Variants in FTCDNL1 observed in about 807,000 individuals in gnomAD.
FTCDNL1 encodes the protein formiminotransferase N-terminal subdomain-containing protein.
A neutral mutation model predicts 5.9 loss-of-function variants in FTCDNL1; 11 were observed. The ratio of observed to expected loss-of-function variants is 1.87; its 90% confidence interval spans 1.18 to 3.10. The LOEUF is 3.10. FTCDNL1 is among the 30% of genes most tolerant of loss of function. The pLI, the probability that FTCDNL1 is intolerant of heterozygous loss-of-function variation, is 0.00. For missense variants in FTCDNL1, 115 were observed against 65.5 expected (o/e 1.76, Z -2.61); for synonymous variants, 58 against 24.8 (o/e 2.34, Z -3.99).
the FTCDNL1 span, among the ~76,000 whole-genome samples, chr2:199,733,238 G>A: frequency 6.6e-6 from 1 of 152,198 alleles, no homozygotes; most frequent in Admixed American, 6.5e-5. Flanking sequence ...AAAGCGTAAG[G>A]CAGGCACTGC....
chr2:199,748,293 A>G, the FTCDNL1 span, among the ~76,000 whole-genome samples: 1 of 152,214 alleles, frequency 6.6e-6, no homozygotes, highest in Non-Finnish European at 1.5e-5. Context: ...CCATATTCAT[A>G]TAGATCAGCT....
intron 3 of FTCDNL1, among the ~76,000 whole-genome samples, chr2:199,843,061 G>A (rs1389665160): frequency 6.6e-6 from 1 of 152,092 alleles, no homozygotes; most frequent in Admixed American, 6.6e-5. Context: ...GTACAGTATA[G>A]GACTGTTTTT....
intron 3 of FTCDNL1, among the ~76,000 whole-genome samples, chr2:199,842,743 G>A (rs2076624272): frequency 6.6e-6 from 1 of 152,108 alleles, no homozygotes; most frequent in Non-Finnish European, 1.5e-5. Flanking sequence ...ACACATATCA[G>A]TATCAACTCT....
At chr2:199,802,249 A>G (rs1700495959) in intron 3 of FTCDNL1, among the ~76,000 whole-genome samples, 1 of 152,176 alleles carries the variant, frequency 6.6e-6, no homozygotes, top group Admixed American at 6.5e-5. Flanking sequence ...GTCTCCATAC[A>G]AGTGAGGGCA....
chr2:199,744,271 T>A, the FTCDNL1 span, among the ~76,000 whole-genome samples: 166 of 152,312 alleles, frequency 1.1e-3, no homozygotes, highest in African/African-American at 3.8e-3. Flanking sequence ...TGTTGAAACC[T>A]GAACCCTCAA....
the FTCDNL1 span, among the ~76,000 whole-genome samples, chr2:199,745,076 TTTTCCCC>T: frequency 6.6e-6 from 1 of 152,220 alleles, no homozygotes; most frequent in East Asian, 1.9e-4. Context: ...CTACCTGCCA[TTTTCCCC>T]ACATGTCAGT....
At chr2:199,790,484 C>T (rs35475503) in intron 3 of FTCDNL1, among the ~76,000 whole-genome samples, 7,357 of 140,592 alleles carry the variant, frequency 0.052, 259 homozygotes, top group Middle Eastern at 0.14. Context: ...GGTGACAGAG[C>T]GAGACTCTGT....
chr2:199,734,756 G>A, the FTCDNL1 span, among the ~76,000 whole-genome samples: 311 of 152,244 alleles, frequency 2.0e-3, 1 homozygote, highest in African/African-American at 7.0e-3. Flanking sequence ...GAAAGAAAAA[G>A]GATAGAGTTT....
intron 3 of FTCDNL1, among the ~76,000 whole-genome samples, chr2:199,768,639 T>A (rs1698653719): frequency 6.6e-6 from 1 of 151,400 alleles, no homozygotes; most frequent in Non-Finnish European, 1.5e-5. Context: ...AATTAAAGAG[T>A]AATGGCAGGT....
At chr2:199,777,156 A>G (rs964351485) in intron 3 of FTCDNL1, among the ~76,000 whole-genome samples, 2 of 151,978 alleles carry the variant, frequency 1.3e-5, no homozygotes, top group Non-Finnish European at 2.9e-5. Flanking sequence ...AGCCAGGTGC[A>G]GTGGCATGCA....
At chr2:199,839,192 G>C (rs1003613381) in intron 3 of FTCDNL1, among the ~76,000 whole-genome samples, 1 of 152,086 alleles carries the variant, frequency 6.6e-6, no homozygotes, top group African/African-American at 2.4e-5. Flanking sequence ...AAGCAACAGG[G>C]TGAAGGGGAC....
At chr2:199,693,388 A>C in the FTCDNL1 span, among the ~76,000 whole-genome samples, 68 of 152,362 alleles carry the variant, frequency 4.5e-4, no homozygotes, top group African/African-American at 1.5e-3. Context: ...GTTACCTGGA[A>C]GTGGCTTAGT....
intron 3 of FTCDNL1, among the ~76,000 whole-genome samples, chr2:199,792,928 C>T (rs1380846699): frequency 1.3e-5 from 2 of 152,062 alleles, no homozygotes. Flanking sequence ...ATTTTTTCCC[C>T]TCTAGATTCT....
At chr2:199,710,106 G>A in the FTCDNL1 span, among the ~76,000 whole-genome samples, 1 of 152,114 alleles carries the variant, frequency 6.6e-6, no homozygotes, top group Non-Finnish European at 1.5e-5. Flanking sequence ...CATGTTCCTA[G>A]CTGAGGTGAA....
At chr2:199,685,086 C>T in the FTCDNL1 span, among the ~76,000 whole-genome samples, 1 of 152,044 alleles carries the variant, frequency 6.6e-6, no homozygotes, top group African/African-American at 2.4e-5. Flanking sequence ...TGTAACTTTC[C>T]CTTTCTCTGG....
downstream of FTCDNL1, among the ~76,000 whole-genome samples, chr2:199,759,250 T>C (rs758404953): frequency 1.5e-4 from 22 of 151,318 alleles, no homozygotes; most frequent in South Asian, 6.2e-4. Context: ...ATACTGGGAT[T>C]AGGATGGTGG....
In FTCDNL1 at chr2:199,811,306, C is replaced by T. The variant is rs1188674865; in HGVS notation, c.*1399G>A. 6.6e-6 allele frequency among the ~76,000 whole-genome samples: 1 copy of T among 152,096 alleles called. No individual in the cohort carries two copies. The highest frequency in any genetic ancestry group is 2.4e-5 in the African/African-American group (1 of 41,420). Reference sequence around the variant, plus strand: ...TTGCCACTCTTTAACAGAAAACTTCCAAACATTTTTCTCTCATTTACCCCC... The same window carrying T: ...TTGCCACTCTTTAACAGAAAACTTCTAAACATTTTTCTCTCATTTACCCCC... On this transcript the variant is annotated 3_prime_UTR_variant, in exon 5 of 5. Transcript: ENST00000420128.
chr2:199,844,171 T>C (rs2076666975), intron 3 of FTCDNL1, among the ~76,000 whole-genome samples: 2 of 152,060 alleles, frequency 1.3e-5, no homozygotes, highest in African/African-American at 4.8e-5. Context: ...TTTTTTTTTT[T>C]TGCCATATCC....
chr2:199,802,615 G>A (rs964549525), intron 3 of FTCDNL1, among the ~76,000 whole-genome samples: 1 of 152,104 alleles, frequency 6.6e-6, no homozygotes, highest in African/African-American at 2.4e-5. Flanking sequence ...ATACTGATGG[G>A]GACTACTCTG....
Sources: allele counts gnomAD v4.1 joint callset (sites outside exome capture counted in the v4.1 genomes callset), GRCh38; gene constraint gnomAD v4.1.1; transcripts MANE v1.5; gene names NCBI Gene and HGNC (gene_info 2026-07-23, HGNC 2026-07-21).